CNIH3: variants seen among roughly 807,000 people sequenced by gnomAD.
CNIH3 encodes protein cornichon homolog 3.
A neutral mutation model predicts 24.1 loss-of-function variants in CNIH3; 14 were observed. That is an observed-to-expected ratio of 0.58 (90% CI 0.38 to 0.91). The LOEUF is 0.91. Among genes scored for constraint, CNIH3 ranks in the 40% least tolerant of loss-of-function variants. The pLI, the probability that CNIH3 is intolerant of heterozygous loss-of-function variation, is 0.00. For synonymous variants in CNIH3, 68 were observed against 73.8 expected, an observed-to-expected ratio of 0.92 and a Z score of 0.40; for missense variants, 178 against 196.8, an observed-to-expected ratio of 0.90 and a Z score of 0.57.
intron 3 of CNIH3, among the ~76,000 whole-genome samples, chr1:224,711,794 C>CAAAAAAA (rs11437581): frequency 4.6e-5 from 3 of 65,666 alleles, no homozygotes; most frequent in East Asian, 4.4e-4. Context: ...GACCCTGTCT[C>CAAAAAAA]AAAAAAAAAA....
intron 3 of CNIH3, among the ~76,000 whole-genome samples, chr1:224,713,200 A>G (rs1688251080): frequency 6.6e-6 from 1 of 152,246 alleles, no homozygotes; most frequent in Admixed American, 6.5e-5. Context: ...CCAATAGTTT[A>G]TTGAAATCAT....
intron 1 of CNIH3, chr1:224,520,909 G>A (rs1404166455): frequency 6.6e-6 from 1 of 152,246 alleles, no homozygotes; most frequent in East Asian, 1.9e-4. Context: ...AAGCATCCTG[G>A]AGGTGGTATT....
intron 1 of CNIH3, among the ~76,000 whole-genome samples, chr1:224,441,052 A>G (rs1007136131): frequency 4.6e-5 from 7 of 152,066 alleles, no homozygotes; most frequent in East Asian, 1.9e-4. Flanking sequence ...TCCTGACCTC[A>G]TGATCCGCCC....
At chr1:224,587,836 G>A (rs1366275713) in intron 5 of CNIH3, among the ~76,000 whole-genome samples, 2 of 151,984 alleles carry the variant, frequency 1.3e-5, no homozygotes, top group Admixed American at 1.3e-4. Flanking sequence ...CAGCTACTCA[G>A]GAGGCCAAGG....
At chr1:224,538,329 A>G (rs1480825766), downstream of CNIH3, among the ~76,000 whole-genome samples, 1 of 152,136 alleles carries the variant, frequency 6.6e-6, no homozygotes, top group Non-Finnish European at 1.5e-5. Context: ...AATTCATCCC[A>G]TAAGAGTCTC....
At position 224,684,740 on chromosome 1, in the gene CNIH3, T is replaced by C; in HGVS notation, c.151-56T>C. 6.6e-7 allele frequency: 1 copy of C among 1,519,236 alleles called. No homozygotes were observed. The highest frequency in any genetic ancestry group is 1.1e-5 in the South Asian group (1 of 89,230). 94.1% of individuals were successfully genotyped at this position (1,519,236 alleles called of 1,614,324 possible). On this transcript the variant is annotated intron_variant, in intron 2 of 5. Coordinates refer to ENST00000272133, the MANE Select transcript of CNIH3 (RefSeq NM_152495.2). This position sits in a 1 kb window ranked among gnomAD's most constrained non-coding sequence, Gnocchi z 4.2. The stretch of plus-strand genomic sequence containing the variant: ...GGCTGATTGCGGGGCCTTCTCATGC[T>C]ATTTTAGCAGAACCCCTAACCTCCC...
At chr1:224,459,541 C>T (rs962122095) in intron 1 of CNIH3, among the ~76,000 whole-genome samples, 6 of 152,106 alleles carry the variant, frequency 3.9e-5, no homozygotes, top group Non-Finnish European at 7.3e-5. Context: ...GAACTTTGTA[C>T]ACGGAATAAA....
At chr1:224,657,409 TAGAGAGAGAG>T (rs142879463) in intron 1 of CNIH3, among the ~76,000 whole-genome samples, 1 of 146,822 alleles carries the variant, frequency 6.8e-6, no homozygotes. Flanking sequence ...AGAAATAGGG[TAGAGAGAGAG>T]AGAGAGAGAG....
chr1:224,616,486 G>A lies in CNIH3; in HGVS notation c.-689G>A. 2.0e-6 allele frequency: 2 copies of A among 987,904 alleles called. No homozygotes were observed. Among genetic ancestry groups the A allele is most frequent in the South Asian group, 4.5e-5 (1 of 22,300 alleles). 61.2% of individuals were successfully genotyped at this position (987,904 alleles called of 1,614,324 possible). ...CCCCGGTTTCCGGGACACTTGGGTT[G>A]CGGAGGCCGGCTGGCCGGAGTCACG... On this transcript the variant is annotated 5_prime_UTR_variant, in exon 1 of 6. Coordinates refer to ENST00000272133, the MANE Select transcript of CNIH3 (RefSeq NM_152495.2).
chr1:224,686,163 C>T lies in CNIH3; in HGVS notation c.198+1320C>T, dbSNP rs10458376. On this transcript the variant is annotated intron_variant, in intron 3 of 5. Coordinates refer to ENST00000272133, the MANE Select transcript of CNIH3 (RefSeq NM_152495.2). ...TAATGCTATCCCTCCCCCCTCCCCC[C>T]ACCCCACGACAGGCCCTGGTGTGTG... Among the ~76,000 whole-genome samples, 570 of 125,618 alleles carry T rather than the reference C, an allele frequency of 4.5e-3. 3 individuals are homozygous for T. Among genetic ancestry groups the T allele is most frequent in the African/African-American group, 0.016 (525 of 32,660 alleles). 82.4% of individuals were successfully genotyped at this position (125,618 alleles called of 152,430 possible).
intron 1 of CNIH3, 146 bp from the exon 2 acceptor site, chr1:224,680,812 G>A (rs1686362292): frequency 3.1e-6 from 2 of 647,078 alleles, no homozygotes; most frequent in East Asian, 2.7e-5. Context: ...TGCCAGCTTC[G>A]ACAGTGACCA....
intron 1 of CNIH3, among the ~76,000 whole-genome samples, chr1:224,440,839 C>T (rs1334367114): frequency 2.7e-5 from 4 of 146,038 alleles, no homozygotes; most frequent in East Asian, 2.0e-4. Flanking sequence ...TTTTTTGAGA[C>T]GGAGTCTCGC....
chr1:224,436,223 T>A (rs538826103), intron 1 of CNIH3, among the ~76,000 whole-genome samples: 36 of 152,318 alleles, frequency 2.4e-4, no homozygotes, highest in Non-Finnish European at 5.1e-4. Flanking sequence ...GAGGCCGACC[T>A]GAGTTCTAGT....
intron 1 of CNIH3, among the ~76,000 whole-genome samples, chr1:224,473,217 A>G (rs12065344): frequency 1.3e-5 from 2 of 152,202 alleles, no homozygotes; most frequent in Admixed American, 1.3e-4. Context: ...ATTAAAACAT[A>G]CCACAAGAAA....
At chr1:224,537,135 T>A (rs1387827718), downstream of CNIH3, 1 of 152,206 alleles carries the variant, frequency 6.6e-6, no homozygotes, top group African/African-American at 2.4e-5. Flanking sequence ...AAAAACTACA[T>A]ATCTCCATCA....
chr1:224,729,409 C>A (rs2125239255), intron 3 of CNIH3, among the ~76,000 whole-genome samples: 1 of 113,918 alleles, frequency 8.8e-6, no homozygotes, highest in Non-Finnish European at 1.7e-5. Context: ...AAGACTATGT[C>A]TCCAAAAAAA....
chr1:224,504,931 T>G (rs887371587), intron 1 of CNIH3, among the ~76,000 whole-genome samples: 25 of 152,154 alleles, frequency 1.6e-4, no homozygotes, highest in African/African-American at 5.3e-4. Context: ...TTTATGCCAC[T>G]GAGTGTTTAA....
At chr1:224,479,136 C>T (rs1676700769) in intron 1 of CNIH3, among the ~76,000 whole-genome samples, 1 of 147,654 alleles carries the variant, frequency 6.8e-6, no homozygotes, top group African/African-American at 2.5e-5. Context: ...CCAGCAGTCC[C>T]CCAAAGTCTT....
intron 1 of CNIH3, among the ~76,000 whole-genome samples, chr1:224,650,106 T>G (rs902455765): frequency 7.9e-5 from 12 of 152,132 alleles, no homozygotes; most frequent in African/African-American, 2.9e-4. Context: ...AGAGCTGAAG[T>G]TCTGCATTAT....
Sources: gnomAD v4.1 joint callset for allele counts (sites outside exome capture counted in the v4.1 genomes callset) on GRCh38, gnomAD v4.1.1 for gene constraint, Gnocchi (gnomAD v3.1) non-coding constraint, MANE v1.5 for transcripts, NCBI Gene and HGNC (gene_info 2026-07-23, HGNC 2026-07-21) for gene names.